The following DNM3 variants were observed in gnomAD, a reference collection of about 807,000 sequenced individuals.
DNM3 encodes dynamin 3, also known as dynamin-3.
A neutral mutation model predicts 101.6 loss-of-function variants in DNM3; 47 were observed. The observed-to-expected ratio is 0.46, with a 90% confidence interval of 0.37 to 0.59. DNM3 has a LOEUF of 0.59. Ranked by LOEUF, DNM3 falls within the 20% of genes least tolerant of loss-of-function variation. The pLI, the probability that DNM3 is intolerant of heterozygous loss-of-function variation, is 0.00. For missense variants in DNM3, 849 were observed against 1,085.7 expected (o/e 0.78, Z 3.06); for synonymous variants, 385 against 387.9 (o/e 0.99, Z 0.09).
chr1:172,012,480 A>G (rs1305616903), intron 4 of DNM3, among the ~76,000 whole-genome samples: 1 of 152,058 alleles, frequency 6.6e-6, no homozygotes, highest in Non-Finnish European at 1.5e-5. Flanking sequence ...AGATTCAGGT[A>G]GACAAAGAGC....
At chr1:171,945,262 A>G (rs1353631171) in intron 2 of DNM3, among the ~76,000 whole-genome samples, 1 of 152,006 alleles carries the variant, frequency 6.6e-6, no homozygotes, top group Non-Finnish European at 1.5e-5. Flanking sequence ...GAAACCAATT[A>G]TTTGCATTTT....
At chr1:172,368,976 C>G (rs1017926276) in intron 17 of DNM3, among the ~76,000 whole-genome samples, 2 of 151,750 alleles carry the variant, frequency 1.3e-5, no homozygotes, top group African/African-American at 4.8e-5. Context: ...GGTAACGAAA[C>G]TGAGTCAGTA....
intron 4 of DNM3, among the ~76,000 whole-genome samples, chr1:172,002,874 T>G (rs916179344): frequency 4.0e-4 from 61 of 152,040 alleles, no homozygotes; most frequent in Non-Finnish European, 7.5e-4. Context: ...GAGCTTGTTA[T>G]TATCATCAAT....
chr1:171,994,298 A>G (rs534224299), intron 4 of DNM3, among the ~76,000 whole-genome samples: 3 of 152,012 alleles, frequency 2.0e-5, no homozygotes, highest in Admixed American at 2.0e-4. Context: ...TTGGTTACTA[A>G]TTTTCATGAA....
intron 13 of DNM3, among the ~76,000 whole-genome samples, chr1:172,123,622 C>T (rs923784112): frequency 2.0e-5 from 3 of 152,174 alleles, no homozygotes; most frequent in African/African-American, 7.2e-5. Context: ...GGCGAGTTCC[C>T]TTGATGAATG....
At chr1:171,967,200 A>G (rs1425964675) in intron 2 of DNM3, among the ~76,000 whole-genome samples, 3 of 152,146 alleles carry the variant, frequency 2.0e-5, no homozygotes, top group Non-Finnish European at 4.4e-5. Flanking sequence ...TCAATTCTAC[A>G]TATGGTGGCA....
chr1:172,393,807 A>AT (rs758146840), intron 20 of DNM3: 1,628 of 152,582 alleles, frequency 0.011, 16 homozygotes, highest in Admixed American at 0.018. Context: ...GCAAGGAAAG[A>AT]TGTTTTTTTA....
intron 2 of DNM3, among the ~76,000 whole-genome samples, chr1:171,937,182 A>G (rs1209923686): frequency 6.6e-6 from 1 of 152,234 alleles, no homozygotes; most frequent in African/African-American, 2.4e-5. Flanking sequence ...AAACACTTTA[A>G]AACTACATTT....
intron 14 of DNM3, among the ~76,000 whole-genome samples, chr1:172,145,608 T>G (rs1471772571): frequency 2.6e-5 from 4 of 152,150 alleles, no homozygotes; most frequent in Non-Finnish European, 1.5e-5. Flanking sequence ...TTCCCTCAGC[T>G]ATTTTGGCTG....
chr1:172,360,143 T>G lies in DNM3; in HGVS notation c.1894-18875T>G, dbSNP rs115978320. On this transcript the variant is annotated intron_variant, in intron 17 of 20. Coordinates refer to ENST00000627582, the MANE Select transcript of DNM3 (RefSeq NM_015569.5). ...TCACAAATTTATTTTGTAAGATGCC[T>G]AATTCAATATTACCATATCCCTCTG... Among the ~76,000 whole-genome samples the G allele has an allele frequency of 1.5e-3, 229 of 152,182 alleles. 1 individual carries two copies. Among genetic ancestry groups the G allele is most frequent in the African/African-American group, 5.3e-3 (222 of 41,562 alleles).
At chr1:172,173,061 G>A (rs1483590214) in intron 14 of DNM3, among the ~76,000 whole-genome samples, 1 of 151,820 alleles carries the variant, frequency 6.6e-6, no homozygotes, top group East Asian at 1.9e-4. Context: ...TATGAGGCTT[G>A]TATTTTAGAG....
In DNM3 at chr1:171,867,023, G is replaced by T. The variant is rs534098152; in HGVS notation, c.161+25206G>T. Among the ~76,000 whole-genome samples the T allele has an allele frequency of 2.6e-5, 4 of 152,272 alleles. No homozygotes were observed. The South Asian group carries it at 8.3e-4, about 32-fold the overall frequency. ...AGGTGCACCTAAGGTTCCAACAAAG[G>T]CTAAATGTTTTTAAACTTTTAAGTG... On this transcript the variant is annotated intron_variant, in intron 1 of 20. Transcript: ENST00000627582.
At chr1:172,117,723 T>A (rs1265890517) in intron 13 of DNM3, among the ~76,000 whole-genome samples, 1 of 152,172 alleles carries the variant, frequency 6.6e-6, no homozygotes, top group Non-Finnish European at 1.5e-5. Context: ...GAAAGCTGAA[T>A]TGTATTGGAA....
chr1:172,221,099 A>G (rs1414035703), intron 14 of DNM3, among the ~76,000 whole-genome samples: 1 of 152,084 alleles, frequency 6.6e-6, no homozygotes, highest in Non-Finnish European at 1.5e-5. Flanking sequence ...TTATAGGGAC[A>G]TATGGAGGTA....
intron 1 of DNM3, among the ~76,000 whole-genome samples, chr1:171,914,036 T>G (rs1179980606): frequency 6.6e-6 from 1 of 152,188 alleles, no homozygotes; most frequent in Non-Finnish European, 1.5e-5. Context: ...GTGATCCTCC[T>G]GCCTTGGCCT....
intron 4 of DNM3, among the ~76,000 whole-genome samples, chr1:172,016,021 C>CAA (rs55970040): frequency 6.2e-4 from 84 of 136,146 alleles, no homozygotes; most frequent in East Asian, 2.7e-3. Context: ...ACTAAAATTA[C>CAA]AAAAAAAAAA....
chr1:171,848,555 C>T (rs77976133), intron 1 of DNM3, among the ~76,000 whole-genome samples: 2,055 of 152,186 alleles, frequency 0.014, 53 homozygotes, highest in African/African-American at 0.045. Flanking sequence ...TAAACCAACA[C>T]GAGCTTCTGA....
chr1:171,926,665 T>A (rs573992260), intron 2 of DNM3, among the ~76,000 whole-genome samples: 1 of 152,302 alleles, frequency 6.6e-6, no homozygotes, highest in African/African-American at 2.4e-5. Context: ...CCTTCTACTT[T>A]ATTTTTTTTC....
At chr1:172,349,070 C>T (rs1418627752) in intron 17 of DNM3, among the ~76,000 whole-genome samples, 3 of 152,134 alleles carry the variant, frequency 2.0e-5, no homozygotes, top group Non-Finnish European at 4.4e-5. Context: ...GGGTTATTGC[C>T]CTCAGAGACA....
Sources: gnomAD v4.1 joint callset for allele counts (sites outside exome capture counted in the v4.1 genomes callset) on GRCh38, gnomAD v4.1.1 for gene constraint, MANE v1.5 for transcripts, NCBI Gene and HGNC (gene_info 2026-07-23, HGNC 2026-07-21) for gene names.